Variants in EPAS1 observed in about 807,000 individuals in gnomAD.
EPAS1 encodes the protein endothelial PAS domain-containing protein 1.
Under a neutral mutation model 87.9 loss-of-function variants are expected in EPAS1, and 23 were observed. The ratio of observed to expected loss-of-function variants is 0.26; its 90% CI spans 0.19 to 0.37. The LOEUF (loss-of-function observed/expected upper bound fraction) is 0.37, where lower values mean the gene tolerates loss of function less well. Ranked by LOEUF, EPAS1 falls within the 10% of genes least tolerant of loss-of-function variation. EPAS1 has a pLI of 1.00. For synonymous variants in EPAS1, 508 were observed against 444.3 expected (o/e 1.14, Z -1.80); for missense variants, 1,138 against 1,120.7 (o/e 1.02, Z -0.22).
chr2:46,384,641 C>A lies in EPAS1; in HGVS notation c.2594C>A (p.Ala865Asp). The A allele has an allele frequency of 6.2e-7, 1 of 1,613,886 alleles. No individual in the cohort carries two copies. Among genetic ancestry groups the A allele is most frequent in the South Asian group, 1.1e-5 (1 of 91,080 alleles). The part of the protein sequence containing the change: ...TLLQGGDLLR[A>D]LDQAT ...CTGCAAGGAGGGGACCTCCTCAGAG[C>A]CCTGGACCAGGCCACCTGAGCCAGG... Residue 865 changes from alanine (A) to aspartate (D), a missense_variant, in exon 16 of 16, where the codon GCC (alanine) becomes GAC (aspartate). This residue lies in a region of EPAS1 where 502 missense variants were observed against 427.1 expected (regional missense o/e 1.18). Coordinates refer to ENST00000263734, the MANE Select transcript of EPAS1 (RefSeq NM_001430.5).
rs1009842688 is a variant in EPAS1 at position 46,347,999 on chromosome 2, C to T, written c.217+936C>T. 3.3e-5 allele frequency among the ~76,000 whole-genome samples: 5 copies of T among 152,104 alleles called. No individual in the cohort carries two copies. Among genetic ancestry groups the T allele is most frequent in the Admixed American group, 6.5e-5 (1 of 15,282 alleles). On this transcript the variant is annotated intron_variant, in intron 2 of 15. Transcript: ENST00000263734. This position sits in a 1 kb window ranked among gnomAD's most constrained non-coding sequence, Gnocchi z 4.2. ...CTTTTGTGGTTGTTTTTCAGTTTTC[C>T]GGAGTAAGCCTGGTGCCTTGGAGAC...
Position 46,360,414 on chromosome 2 carries a change from G to T in EPAS1, c.455-224G>T, listed in dbSNP as rs1684362265. On this transcript the variant is annotated intron_variant, in intron 4 of 15. Transcript: ENST00000263734. This position sits in a 1 kb window ranked among gnomAD's most constrained non-coding sequence, Gnocchi z 4.5. Reference sequence around the variant, plus strand: ...CAAATGATGGAGCAGCTCCTCCCTTGTGGGAGTTTATGCTCCAGTTGAGGA... The same window carrying T: ...CAAATGATGGAGCAGCTCCTCCCTTTTGGGAGTTTATGCTCCAGTTGAGGA... Among the ~76,000 whole-genome samples, 1 of 152,236 alleles carries T rather than the reference G, an allele frequency of 6.6e-6. No homozygotes were observed. Among genetic ancestry groups the T allele is most frequent in the African/African-American group, 2.4e-5 (1 of 41,458 alleles).
chr2:46,328,357 G>A (rs567412347), intron 1 of EPAS1, among the ~76,000 whole-genome samples: 7 of 152,302 alleles, frequency 4.6e-5, no homozygotes, highest in South Asian at 2.1e-4. Context: ...ACCACTCTTC[G>A]TTAACCAAAC....
At chr2:46,369,543 G>A (rs1032476365) in intron 6 of EPAS1, among the ~76,000 whole-genome samples, 2 of 152,188 alleles carry the variant, frequency 1.3e-5, no homozygotes, top group Non-Finnish European at 2.9e-5. Context: ...AGACATATGT[G>A]TGTACCGGGG....
chr2:46,378,893 C>A, intron 11 of EPAS1, 126 bp downstream of exon 11: 1 of 896,410 alleles, frequency 1.1e-6, no homozygotes. Flanking sequence ...GGCCAAGGCC[C>A]AGGTCCCCTA....
Position 46,380,583 on chromosome 2 carries a change from C to T in EPAS1, c.1911C>T (p.Thr637=). 1.9e-6 allele frequency: 3 copies of T among 1,614,108 alleles called. No homozygotes were observed. The highest frequency in any genetic ancestry group is 2.5e-6 in the Non-Finnish European group (3 of 1,180,004). ...CTTCCATGGGGGGCAGATCCAATAC[C>T]CAGTGGCCCCCAGATCCACCATTAC... ...PLSSMGGRSN[T]QWPPDPPLHF... is the part of the protein sequence containing the mutation. The change falls in exon 12 of 16, where the codon ACC becomes ACT. Residue 637 remains threonine (T), a synonymous_variant. Coordinates refer to ENST00000263734, the MANE Select transcript of EPAS1 (RefSeq NM_001430.5). This position sits in a 1 kb window ranked among gnomAD's most constrained non-coding sequence, Gnocchi z 4.4.
chr2:46,297,607 G>A lies in EPAS1; in HGVS notation c.-305G>A. ...TCAGAAAAGTGACTCCTTTTCCAGG[G>A]AAAAAGGAACTTGGGTTCCCTTCTC... On this transcript the variant is annotated 5_prime_UTR_variant, in exon 1 of 16. Transcript: ENST00000263734. 1 of 430,494 alleles carries A rather than the reference G, an allele frequency of 2.3e-6. No individual in the cohort carries two copies. Among genetic ancestry groups the A allele is most frequent in the Non-Finnish European group, 4.2e-6 (1 of 235,852 alleles). The allele number at this position is 430,494 out of a possible 1,614,324, so 26.7% of individuals were successfully genotyped here.
At position 46,385,249 on chromosome 2, in the gene EPAS1, G is replaced by C. The variant is rs1472056583; in HGVS notation, c.*589G>C. On this transcript the variant is annotated 3_prime_UTR_variant, in exon 16 of 16. Transcript: ENST00000263734. ...ATTTTGGAAAAAAAGAAATGTGAAG[G>C]GTCAACTCCAACGTATGTGGTTATC... The C allele has an allele frequency of 1.3e-5, 2 of 153,474 alleles. No individual in the cohort carries two copies. Among genetic ancestry groups the C allele is most frequent in the Non-Finnish European group, 2.9e-5 (2 of 68,824 alleles). The allele number at this position is 153,474 out of a possible 1,614,324, so 9.5% of individuals were successfully genotyped here.
At chr2:46,308,068 T>A (rs953907487) in intron 1 of EPAS1, among the ~76,000 whole-genome samples, 1 of 152,206 alleles carries the variant, frequency 6.6e-6, no homozygotes, top group Non-Finnish European at 1.5e-5. Flanking sequence ...CATCATTCAC[T>A]GTGCCTCCTG....
At chr2:46,319,711 C>T (rs980453501) in intron 1 of EPAS1, among the ~76,000 whole-genome samples, 6 of 152,172 alleles carry the variant, frequency 3.9e-5, no homozygotes, top group East Asian at 3.9e-4. Flanking sequence ...CAGGTGCCTG[C>T]GGTATTTGCT....
At position 46,376,561 on chromosome 2, in the gene EPAS1, G is replaced by C. The variant is rs2103664210; in HGVS notation, c.1057G>C (p.Val353Leu). 3.7e-6 allele frequency: 6 copies of C among 1,614,120 alleles called. No individual in the cohort carries two copies. The highest frequency in any genetic ancestry group is 5.1e-6 in the Non-Finnish European group (6 of 1,180,018). ...VLSEIEKNDVVFSMDQTESLF... is the reference protein window; with the variant it reads ...VLSEIEKNDVLFSMDQTESLF... ...TAGTGAGATTGAGAAGAATGACGTG[G>C]TGTTCTCCATGGACCAGACTGAATC... The change falls in exon 9 of 16, where the codon GTG (valine) becomes CTG (leucine). Residue 353 changes from valine to leucine, a missense_variant. By Grantham distance (32) the Val-to-Leu change is conservative (BLOSUM62 1). This residue lies in a region of EPAS1 where 284 missense variants were observed against 258.4 expected (regional missense o/e 1.10). Coordinates refer to ENST00000263734, the MANE Select transcript of EPAS1 (RefSeq NM_001430.5).
chr2:46,328,496 C>T (rs1361762682), intron 1 of EPAS1, among the ~76,000 whole-genome samples: 1 of 152,190 alleles, frequency 6.6e-6, no homozygotes, highest in African/African-American at 2.4e-5. Context: ...CTGCCCATCC[C>T]CCAAACAGTC....
intron 1 of EPAS1, among the ~76,000 whole-genome samples, chr2:46,338,023 T>A (rs1683830934): frequency 6.6e-6 from 1 of 152,146 alleles, no homozygotes; most frequent in African/African-American, 2.4e-5. Context: ...TCAGATTTAG[T>A]ATCCTAGAAG....
intron 1 of EPAS1, among the ~76,000 whole-genome samples, chr2:46,343,667 A>G (rs1455221073): frequency 6.6e-6 from 1 of 152,104 alleles, no homozygotes; most frequent in Non-Finnish European, 1.5e-5. Flanking sequence ...CTGAAATCCC[A>G]CCTCCCTGAC....
intron 11 of EPAS1, among the ~76,000 whole-genome samples, chr2:46,379,023 G>A (rs747688542): frequency 5.3e-5 from 8 of 152,162 alleles, no homozygotes; most frequent in African/African-American, 1.9e-4. Context: ...CATGAAAACC[G>A]AAATGATACC....
At chr2:46,329,861 T>G (rs1318782328) in intron 1 of EPAS1, among the ~76,000 whole-genome samples, 1 of 152,136 alleles carries the variant, frequency 6.6e-6, no homozygotes, top group African/African-American at 2.4e-5. Flanking sequence ...ACATCCTTCT[T>G]AAAGACAAAA....
chr2:46,371,026 G>T lies in EPAS1; in HGVS notation c.886+1093G>T, dbSNP rs1343657700. 6.6e-6 allele frequency among the ~76,000 whole-genome samples: 1 copy of T among 152,196 alleles called. No homozygotes were observed. Among genetic ancestry groups the T allele is most frequent in the African/African-American group, 2.4e-5 (1 of 41,446 alleles). ...AGTATCTAGCATAGCGTCTGGTACA[G>T]AACAGGCACTAAATGCACTATATAA... On this transcript the variant is annotated intron_variant, in intron 7 of 15. Transcript: ENST00000263734. This position sits in a 1 kb window ranked among gnomAD's most constrained non-coding sequence, Gnocchi z 4.3.
At chr2:46,326,988 T>G (rs921195695) in intron 1 of EPAS1, among the ~76,000 whole-genome samples, 2 of 152,180 alleles carry the variant, frequency 1.3e-5, no homozygotes, top group Non-Finnish European at 2.9e-5. Flanking sequence ...ATTCTTCAAC[T>G]GCAAAATGTA....
Position 46,371,083 on chromosome 2 carries a change from T to C in EPAS1, c.886+1150T>C, listed in dbSNP as rs1297552630. 6.6e-6 allele frequency among the ~76,000 whole-genome samples: 1 copy of C among 152,170 alleles called. No homozygotes were observed. Among genetic ancestry groups the C allele is most frequent in the African/African-American group, 2.4e-5 (1 of 41,418 alleles). On this transcript the variant is annotated intron_variant, in intron 7 of 15. Transcript: ENST00000263734. The surrounding 1 kb of genome is among the most constrained non-coding windows in gnomAD (Gnocchi z 4.3). ...GGGCAAGACTGTATTTGGAAAAGAA[T>C]GCTTCAAAACGAGTGCCCACAGTGG...
Sources: allele counts gnomAD v4.1 joint callset (sites outside exome capture counted in the v4.1 genomes callset), GRCh38; gene constraint gnomAD v4.1.1; regional missense constraint gnomAD v4.1.1; non-coding constraint Gnocchi (gnomAD v3.1); transcripts MANE v1.5; gene names NCBI Gene and HGNC (gene_info 2026-07-23, HGNC 2026-07-21).